Variants in ZBTB7C observed in about 807,000 individuals in gnomAD.
The protein encoded by ZBTB7C is zinc finger and BTB domain containing 7C.
Under a neutral mutation model 25.7 loss-of-function variants are expected in ZBTB7C, and 8 were observed. That is an observed-to-expected ratio of 0.31 (90% CI 0.18 to 0.56). ZBTB7C has a LOEUF of 0.56. Ranked by LOEUF, ZBTB7C falls within the 20% of genes least tolerant of loss-of-function variation. The pLI is 0.91. For synonymous variants in ZBTB7C, 394 were observed against 369.0 expected, an observed-to-expected ratio of 1.07 and a Z score of -0.78; for missense variants, 824 against 855.2, an observed-to-expected ratio of 0.96 and a Z score of 0.46.
Position 48,251,840 on chromosome 18 carries a change from C to A in ZBTB7C, c.-78-65845G>T, listed in dbSNP as rs1178557326. Among the ~76,000 whole-genome samples, 4 of 152,186 alleles carry A rather than the reference C, an allele frequency of 2.6e-5. No homozygotes were observed. The East Asian group carries it at 7.7e-4, about 29-fold the overall frequency. On this transcript the variant is annotated intron_variant, in intron 2 of 4. Transcript: ENST00000590800. ...AAACCCTGTGCATTTCACCATGGAACTGGGAGACCCATTCAGGTGTCCCTC... is the reference window on the plus strand; with the variant it reads ...AAACCCTGTGCATTTCACCATGGAAATGGGAGACCCATTCAGGTGTCCCTC...
At chr18:48,111,568 C>A (rs2039240554) in intron 3 of ZBTB7C, among the ~76,000 whole-genome samples, 1 of 152,162 alleles carries the variant, frequency 6.6e-6, no homozygotes, top group Non-Finnish European at 1.5e-5. Flanking sequence ...GAGAGAAGAC[C>A]AGAGCCCTGG....
intron 2 of ZBTB7C, among the ~76,000 whole-genome samples, chr18:48,244,537 A>G (rs1168526029): frequency 6.6e-6 from 1 of 152,190 alleles, no homozygotes; most frequent in Admixed American, 6.5e-5. Context: ...TTTGCAAACT[A>G]TGCATCCAAC....
At chr18:48,344,581 G>A (rs1474781909) in intron 1 of ZBTB7C, among the ~76,000 whole-genome samples, 1 of 152,178 alleles carries the variant, frequency 6.6e-6, no homozygotes, top group East Asian at 1.9e-4. Context: ...GTAGAATTTA[G>A]ACAAAGATGG....
At chr18:48,251,032 T>C (rs1175414197) in intron 2 of ZBTB7C, among the ~76,000 whole-genome samples, 1 of 152,030 alleles carries the variant, frequency 6.6e-6, no homozygotes, top group Non-Finnish European at 1.5e-5. Flanking sequence ...AAGACCAGCC[T>C]AAGCAACATA....
At chr18:48,330,248 G>A (rs990172058) in intron 2 of ZBTB7C, among the ~76,000 whole-genome samples, 9 of 152,194 alleles carry the variant, frequency 5.9e-5, no homozygotes, top group East Asian at 1.9e-4. Context: ...ACCTGGGCAC[G>A]GAATGTACCT....
At chr18:48,298,730 C>T (rs1171352749) in intron 2 of ZBTB7C, among the ~76,000 whole-genome samples, 1 of 152,210 alleles carries the variant, frequency 6.6e-6, no homozygotes, top group Non-Finnish European at 1.5e-5. Context: ...TAGTCTCCCT[C>T]AGCAGGGTAG....
At chr18:48,270,565 C>T (rs1240760735) in intron 2 of ZBTB7C, among the ~76,000 whole-genome samples, 2 of 150,804 alleles carry the variant, frequency 1.3e-5, no homozygotes, top group Admixed American at 6.6e-5. Context: ...TGGCACGCAC[C>T]TGTAATCCCA....
At chr18:48,183,989 T>C (rs2041993886) in intron 3 of ZBTB7C, among the ~76,000 whole-genome samples, 1 of 152,132 alleles carries the variant, frequency 6.6e-6, no homozygotes, top group Non-Finnish European at 1.5e-5. Context: ...CACATCCCAC[T>C]GAAAACTGAC....
At chr18:48,195,666 G>C (rs1466034928) in intron 2 of ZBTB7C, among the ~76,000 whole-genome samples, 1 of 151,908 alleles carries the variant, frequency 6.6e-6, no homozygotes, top group East Asian at 1.9e-4. Flanking sequence ...TTTTCCACTT[G>C]AATGACAAAT....
chr18:48,050,113 T>C (rs945814049), intron 3 of ZBTB7C, among the ~76,000 whole-genome samples: 8 of 152,214 alleles, frequency 5.3e-5, no homozygotes, highest in African/African-American at 1.9e-4. Flanking sequence ...CTACCTGCGT[T>C]CTTTGAGCAG....
intron 3 of ZBTB7C, among the ~76,000 whole-genome samples, chr18:48,179,395 A>T (rs773980303): frequency 4.6e-5 from 7 of 151,426 alleles, no homozygotes; most frequent in Non-Finnish European, 1.0e-4. Flanking sequence ...GTGGAGAAAG[A>T]CTCTCCTATG....
intron 1 of ZBTB7C, among the ~76,000 whole-genome samples, chr18:48,392,003 C>T (rs1282806290): frequency 6.6e-6 from 1 of 152,214 alleles, no homozygotes; most frequent in Non-Finnish European, 1.5e-5. Context: ...TGTTTAGGGT[C>T]TGTTGTACCT....
chr18:48,400,064 A>G (rs1371474490), intron 1 of ZBTB7C, among the ~76,000 whole-genome samples: 1 of 152,198 alleles, frequency 6.6e-6, no homozygotes, highest in Admixed American at 6.5e-5. Context: ...GAAGCTTCAG[A>G]ATTGAAACAA....
intron 3 of ZBTB7C, among the ~76,000 whole-genome samples, chr18:48,073,993 CTTTCTCGAAAAGAAAAATTTCT>C (rs1165060520): frequency 4.5e-4 from 68 of 151,620 alleles, no homozygotes; most frequent in African/African-American, 1.6e-3. Flanking sequence ...CTCATTATGA[CTTTCTCGAAAAGAAAAATTTCT>C]TTTTTTTTTT....
At chr18:48,069,467 C>T (rs2037461963) in intron 3 of ZBTB7C, among the ~76,000 whole-genome samples, 1 of 152,172 alleles carries the variant, frequency 6.6e-6, no homozygotes, top group South Asian at 2.1e-4. Flanking sequence ...TCTGTGTCTT[C>T]CCCTGGACTG....
chr18:48,130,148 G>A (rs750113144), intron 3 of ZBTB7C, among the ~76,000 whole-genome samples: 7 of 152,180 alleles, frequency 4.6e-5, no homozygotes, highest in Non-Finnish European at 8.8e-5. Context: ...CCCAATCAAG[G>A]AGCCCTGAAA....
intron 2 of ZBTB7C, among the ~76,000 whole-genome samples, chr18:48,195,961 T>C (rs2042308690): frequency 6.6e-6 from 1 of 152,160 alleles, no homozygotes; most frequent in African/African-American, 2.4e-5. Flanking sequence ...ATAAACAGGT[T>C]TGGGAATGAA....
intron 1 of ZBTB7C, among the ~76,000 whole-genome samples, chr18:48,372,389 G>A (rs2047408016): frequency 2.0e-5 from 3 of 152,190 alleles, no homozygotes; most frequent in African/African-American, 7.2e-5. Context: ...CAGTTAGGCA[G>A]GGCCATGTGA....
At chr18:48,243,764 A>G (rs928137703) in intron 2 of ZBTB7C, among the ~76,000 whole-genome samples, 2 of 152,224 alleles carry the variant, frequency 1.3e-5, no homozygotes, top group African/African-American at 4.8e-5. Context: ...ACATTACCCA[A>G]CTTCAAACTG....
Sources: allele counts gnomAD v4.1 joint callset (sites outside exome capture counted in the v4.1 genomes callset), GRCh38; gene constraint gnomAD v4.1.1; transcripts MANE v1.5; gene names NCBI Gene and HGNC (gene_info 2026-07-23, HGNC 2026-07-21).